Variants in CLINT1 observed in about 807,000 individuals in gnomAD.
The protein encoded by CLINT1 is clathrin interacting protein localized in the trans-Golgi region.
Under a neutral mutation model 70.4 loss-of-function variants are expected in CLINT1, and 15 were observed. The ratio of observed to expected loss-of-function variants is 0.21; its 90% CI spans 0.14 to 0.33. The LOEUF is 0.33. Ranked by LOEUF, CLINT1 falls within the 10% of genes least tolerant of loss-of-function variation. The probability of loss-of-function intolerance (pLI) is 1.00; values close to 1 mark genes in which losing one functional copy is unlikely to be tolerated. For synonymous variants in CLINT1, 227 were observed against 254.7 expected, an observed-to-expected ratio of 0.89 and a Z score of 1.04; for missense variants, 615 against 778.1, an observed-to-expected ratio of 0.79 and a Z score of 2.49.
intron 1 of CLINT1, among the ~76,000 whole-genome samples, chr5:157,854,916 G>T (rs1017969394): frequency 6.6e-6 from 1 of 152,014 alleles, no homozygotes; most frequent in African/African-American, 2.4e-5. Flanking sequence ...GGCCGAGGTG[G>T]GTGGATCACC....
intron 1 of CLINT1, among the ~76,000 whole-genome samples, chr5:157,849,323 C>T (rs986734133): frequency 1.3e-5 from 2 of 152,178 alleles, no homozygotes; most frequent in African/African-American, 4.8e-5. Context: ...ATGATAAATA[C>T]CTGCTGAAAG....
intron 1 of CLINT1, among the ~76,000 whole-genome samples, chr5:157,846,653 C>A (rs189918982): frequency 1.3e-5 from 2 of 152,178 alleles, no homozygotes; most frequent in Non-Finnish European, 2.9e-5. Flanking sequence ...GGAGATGAAA[C>A]GGCCTTCCAG....
At position 157,791,778 on chromosome 5, in the gene CLINT1, T is replaced by C. The variant is rs917366404; in HGVS notation, c.1305A>G (p.Thr435=). The change falls in exon 10 of 12, where the codon ACA becomes ACG. Residue 435 remains threonine (T), a synonymous_variant. Coordinates refer to ENST00000411809, the MANE Select transcript of CLINT1 (RefSeq NM_014666.4). The part of the protein sequence containing the change: ...DLMGSSQATM[T]SSQSMNFSMM... ...TAGAGAAATTCATACTCTGGGAAGATGTCATGGTTGCCTGGGACGAGCCCA... is the reference window on the plus strand; with the variant it reads ...TAGAGAAATTCATACTCTGGGAAGACGTCATGGTTGCCTGGGACGAGCCCA... 3 of 1,613,994 alleles carry C rather than the reference T, an allele frequency of 1.9e-6. No individual in the cohort carries two copies. The highest frequency in any genetic ancestry group is 3.3e-5 in the Admixed American group (2 of 60,016).
intron 5 of CLINT1, among the ~76,000 whole-genome samples, chr5:157,811,003 C>T (rs1294747031): frequency 6.6e-6 from 1 of 151,938 alleles, no homozygotes; most frequent in Non-Finnish European, 1.5e-5. Flanking sequence ...GAAAACATGA[C>T]AAAATGAAGT....
rs1369726403 is a variant in CLINT1, at chr5:157,845,934, T to C, written c.41+12996A>G. Among the ~76,000 whole-genome samples, 8 of 152,334 alleles carry C rather than the reference T, an allele frequency of 5.3e-5. No individual in the cohort carries two copies. In the East Asian group the frequency reaches 1.5e-3, roughly 29 times the overall value. On this transcript the variant is annotated intron_variant, in intron 1 of 11. Transcript: ENST00000411809. ...GCAGTCTGTGATCAGTGATCTTTGA[T>C]GTTACTATTGTAATTGTTTGGGGAT...
At chr5:157,847,276 G>A (rs1209013801) in intron 1 of CLINT1, among the ~76,000 whole-genome samples, 1 of 152,212 alleles carries the variant, frequency 6.6e-6, no homozygotes, top group Non-Finnish European at 1.5e-5. Context: ...GGCCAAGGCA[G>A]GAGGACTGCT....
intron 1 of CLINT1, among the ~76,000 whole-genome samples, chr5:157,850,309 C>G (rs767574855): frequency 1.3e-5 from 2 of 152,082 alleles, no homozygotes; most frequent in Non-Finnish European, 1.5e-5. Context: ...ACTTATAAGC[C>G]AAATACATCA....
intron 4 of CLINT1, 126 bp downstream of exon 4, chr5:157,814,059 T>C (rs1762639590): frequency 3.0e-6 from 2 of 667,916 alleles, no homozygotes; most frequent in South Asian, 3.6e-5. Context: ...TCTTGGATTC[T>C]GCACTCGTCA....
At chr5:157,811,556 G>GA (rs1186912840) in intron 5 of CLINT1, among the ~76,000 whole-genome samples, 1 of 149,424 alleles carries the variant, frequency 6.7e-6, no homozygotes, top group South Asian at 2.1e-4. Flanking sequence ...AAAAGAAAAA[G>GA]AAAAAACACA....
intron 1 of CLINT1, among the ~76,000 whole-genome samples, chr5:157,852,830 T>C (rs1263702247): frequency 1.3e-5 from 2 of 152,060 alleles, no homozygotes; most frequent in African/African-American, 4.8e-5. Flanking sequence ...TAAAAATACA[T>C]AGATGGACAA....
At chr5:157,824,999 T>A (rs1017609378) in intron 1 of CLINT1, among the ~76,000 whole-genome samples, 1 of 152,084 alleles carries the variant, frequency 6.6e-6, no homozygotes, top group African/African-American at 2.4e-5. Context: ...ATACAAATCA[T>A]CTAACTGAAA....
At chr5:157,838,956 C>T (rs1357006121) in intron 1 of CLINT1, among the ~76,000 whole-genome samples, 2 of 152,076 alleles carry the variant, frequency 1.3e-5, no homozygotes, top group African/African-American at 4.8e-5. Flanking sequence ...TGAAACAGAC[C>T]AGGTGTGCTG....
chr5:157,819,922 C>T (rs1379663652), intron 1 of CLINT1, among the ~76,000 whole-genome samples: 1 of 152,156 alleles, frequency 6.6e-6, no homozygotes, highest in Non-Finnish European at 1.5e-5. Context: ...GTTCTGTTTC[C>T]GTAACCCTTC....
chr5:157,835,453 G>A (rs1250372458), intron 1 of CLINT1, among the ~76,000 whole-genome samples: 3 of 152,048 alleles, frequency 2.0e-5, no homozygotes, highest in Non-Finnish European at 4.4e-5. Context: ...TTTTCCCCTA[G>A]GAGCAATGGT....
At chr5:157,795,507 T>C (rs1293763735) in intron 8 of CLINT1, 1 of 152,388 alleles carries the variant, frequency 6.6e-6, no homozygotes, top group Non-Finnish European at 1.5e-5. Flanking sequence ...TATGATTGTA[T>C]CACAATCATA....
At chr5:157,853,777 CAAAA>C (rs11316474) in intron 1 of CLINT1, among the ~76,000 whole-genome samples, 7 of 48,020 alleles carry the variant, frequency 1.5e-4, no homozygotes, top group Non-Finnish European at 1.9e-4. Context: ...GACACCATCT[CAAAA>C]AAAAAAAAAA....
Position 157,786,644 on chromosome 5 carries a change from C to T in CLINT1, c.*1002G>A, listed in dbSNP as rs900622862. 3 of 152,442 alleles carry T rather than the reference C, an allele frequency of 2.0e-5. No individual in the cohort carries two copies. Among genetic ancestry groups the T allele is most frequent in the Admixed American group, 2.0e-4 (3 of 15,268 alleles). 9.4% of individuals were successfully genotyped at this position (152,442 alleles called of 1,614,324 possible). ...CTCTATTGGAACCATATTGCTAATG[C>T]TGCATTATATACACTCAAAACCAAA... On this transcript the variant is annotated 3_prime_UTR_variant, in exon 12 of 12. Coordinates refer to ENST00000411809, the MANE Select transcript of CLINT1 (RefSeq NM_014666.4).
At chr5:157,794,821 G>T in intron 9 of CLINT1, 77 bp downstream of exon 9, 2 of 1,021,338 alleles carry the variant, frequency 2.0e-6, no homozygotes, top group South Asian at 1.4e-5. Context: ...GAAAGAAGCT[G>T]ACTTGGGGGG....
intron 1 of CLINT1, among the ~76,000 whole-genome samples, chr5:157,825,849 C>T (rs1267285895): frequency 6.6e-6 from 1 of 152,056 alleles, no homozygotes; most frequent in African/African-American, 2.4e-5. Context: ...TTTCAATAAT[C>T]GTTGAATCCA....
Sources: gnomAD v4.1 joint callset for allele counts (sites outside exome capture counted in the v4.1 genomes callset) on GRCh38, gnomAD v4.1.1 for gene constraint, MANE v1.5 for transcripts, NCBI Gene and HGNC (gene_info 2026-07-23, HGNC 2026-07-21) for gene names.